The following ABCC5 variants were observed in gnomAD, a reference collection of about 807,000 sequenced individuals.
The protein encoded by ABCC5 is ATP-binding cassette sub-family C member 5.
In ABCC5, 61 loss-of-function variants were observed where a neutral mutation model predicts 160.9. That is an observed-to-expected ratio of 0.38 (90% CI 0.31 to 0.47). The LOEUF is 0.47. ABCC5 is among the 20% of genes least tolerant of loss of function. The pLI, the probability that ABCC5 is intolerant of heterozygous loss-of-function variation, is 0.99. For missense variants in ABCC5, 1,308 were observed against 1,813.3 expected (o/e 0.72, Z 5.06); for synonymous variants, 666 against 700.6 (o/e 0.95, Z 0.78).
At chr3:183,979,635 C>T (rs1334064143) in intron 8 of ABCC5, among the ~76,000 whole-genome samples, 1 of 152,164 alleles carries the variant, frequency 6.6e-6, no homozygotes, top group Non-Finnish European at 1.5e-5. Flanking sequence ...GGCTGGAGTG[C>T]AGTGGCACAA....
rs1009949719 is a variant in ABCC5, at chr3:183,948,666, G to GT, written c.3227+1086dup. ...TCTCCCTTCCAGTGGCAACTAACAG[G>GT]TTTTTTTTTTAATCCTTTCAGAGAT... On this transcript the variant is annotated intron_variant, in intron 22 of 29. Transcript: ENST00000334444. Among the ~76,000 whole-genome samples the GT allele has an allele frequency of 6.0e-3, 893 of 147,958 alleles. 7 individuals are homozygous for GT. Among genetic ancestry groups the GT allele is most frequent in the Non-Finnish European group, 8.1e-3 (538 of 66,502 alleles).
At chr3:183,998,078 C>T (rs1295651517) in intron 2 of ABCC5, among the ~76,000 whole-genome samples, 1 of 152,070 alleles carries the variant, frequency 6.6e-6, no homozygotes, top group East Asian at 1.9e-4. Context: ...TATGAGTCTC[C>T]ACACCCAGCT....
Position 183,945,917 on chromosome 3 carries a change from G to A in ABCC5, c.3437C>T (p.Thr1146Met), listed in dbSNP as rs759305243. 3 of 1,613,966 alleles carry A rather than the reference G, an allele frequency of 1.9e-6. No individual in the cohort carries two copies. Among genetic ancestry groups the A allele is most frequent in the Admixed American group, 1.7e-5 (1 of 60,008 alleles). Reference sequence around the variant, plus strand: ...TTCTGTCTCAGATGCCAGTCTGACCGTAAACTGGAACAGCCCCGTTAACTG... The same window carrying A: ...TTCTGTCTCAGATGCCAGTCTGACCATAAACTGGAACAGCCCCGTTAACTG... ...AVQLTGLFQFTVRLASETEAR... is the reference protein window; with the variant it reads ...AVQLTGLFQFMVRLASETEAR... Residue 1146 changes from threonine (T) to methionine (M), a missense_variant, in exon 24 of 30, where the codon ACG becomes ATG. Around this residue, in one of 3 missense-constraint regions of ABCC5, gnomAD observed 1,142 missense variants for 1,527.1 expected, o/e 0.75. Coordinates refer to ENST00000334444, the MANE Select transcript of ABCC5 (RefSeq NM_005688.4).
At chr3:183,986,333 G>A (rs1249920105) in intron 5 of ABCC5, 1 of 152,184 alleles carries the variant, frequency 6.6e-6, no homozygotes, top group Admixed American at 6.5e-5. Flanking sequence ...TGAAACGGCA[G>A]AGAGAAGAAA....
intron 10 of ABCC5, among the ~76,000 whole-genome samples, chr3:183,973,936 T>C (rs996530700): frequency 3.3e-5 from 5 of 152,098 alleles, no homozygotes; most frequent in Non-Finnish European, 5.9e-5. Flanking sequence ...TACCTACTGG[T>C]TTTCACAGCT....
chr3:183,977,460 G>A, intron 10 of ABCC5, 57 bp downstream of exon 10: 1 of 1,329,342 alleles, frequency 7.5e-7, no homozygotes, highest in Non-Finnish European at 1.1e-6. Flanking sequence ...AACAGAGCCA[G>A]CAGTTAGTTG....
rs773062526 is a variant in ABCC5 at position 183,949,927 on chromosome 3, G to C, written c.3098+45C>G. 7 of 1,613,912 alleles carry C rather than the reference G, an allele frequency of 4.3e-6. No homozygotes were observed. The highest frequency in any genetic ancestry group is 5.9e-6 in the Non-Finnish European group (7 of 1,179,956). Reference sequence around the variant, plus strand: ...GTGTCACAGCACCTACCCAGCAACTGAGGCTTCTCCGTGGCCCCAGCAGAC... The same window carrying C: ...GTGTCACAGCACCTACCCAGCAACTCAGGCTTCTCCGTGGCCCCAGCAGAC... On this transcript the variant is annotated intron_variant, in intron 21 of 29. Coordinates refer to ENST00000334444, the MANE Select transcript of ABCC5 (RefSeq NM_005688.4). The surrounding 1 kb of genome is among the most constrained non-coding windows in gnomAD (Gnocchi z 4.2).
chr3:183,948,405 C>T (rs1252706764), intron 22 of ABCC5, among the ~76,000 whole-genome samples: 1 of 151,872 alleles, frequency 6.6e-6, no homozygotes, highest in East Asian at 1.9e-4. Context: ...TACACATGTA[C>T]GTATTTAGTA....
chr3:183,946,046 G>A (rs1714810142), intron 23 of ABCC5, 107 bp from the exon 24 acceptor site: 9 of 945,566 alleles, frequency 9.5e-6, no homozygotes, highest in Admixed American at 1.7e-5. Flanking sequence ...CTGAGCACAT[G>A]CAGCAGCTGG....
At chr3:184,012,014 AACACACAC>A (rs3031485) in intron 2 of ABCC5, among the ~76,000 whole-genome samples, 28,085 of 145,424 alleles carry the variant, frequency 0.19, 3,290 homozygotes, top group East Asian at 0.34. Flanking sequence ...CATAGAACAC[AACACACAC>A]ACACACACAC....
At chr3:183,985,215 A>T in intron 5 of ABCC5, 1 of 1,203,526 alleles carries the variant, frequency 8.3e-7, no homozygotes, top group Non-Finnish European at 1.2e-6. Context: ...TGTATCATTT[A>T]AATCTAAACA....
Position 183,927,316 on chromosome 3 carries a change from C to A in ABCC5, c.4047+14G>T. 6.2e-7 allele frequency: 1 copy of A among 1,611,728 alleles called. No individual in the cohort carries two copies. Among genetic ancestry groups the A allele is most frequent in the Non-Finnish European group, 8.5e-7 (1 of 1,178,726 alleles). On this transcript the variant is annotated intron_variant, in intron 28 of 29. Transcript: ENST00000334444. ...TTCCCATTCTCTGCTGCTGCCAACC[C>A]CAAACTGCCTTACCTTACAGTGGCG...
At chr3:183,941,350 C>T (rs556807367) in intron 25 of ABCC5, among the ~76,000 whole-genome samples, 1 of 152,228 alleles carries the variant, frequency 6.6e-6, no homozygotes, top group East Asian at 1.9e-4. Flanking sequence ...AGTAAAAAGG[C>T]TTGGGGAGAG....
chr3:184,005,695 G>A (rs1438355056), intron 2 of ABCC5, among the ~76,000 whole-genome samples: 5 of 151,932 alleles, frequency 3.3e-5, no homozygotes, highest in Non-Finnish European at 7.4e-5. Flanking sequence ...ACGAGTTAAT[G>A]GGTGCAGCCC....
chr3:183,962,333 C>CA (rs1325941744), intron 15 of ABCC5, among the ~76,000 whole-genome samples: 1 of 151,766 alleles, frequency 6.6e-6, no homozygotes, highest in East Asian at 1.9e-4. Context: ...ATCATAAAGT[C>CA]AAAAAACTGT....
chr3:183,950,367 T>C (rs1339552959), intron 20 of ABCC5, among the ~76,000 whole-genome samples: 1 of 152,132 alleles, frequency 6.6e-6, no homozygotes, highest in Non-Finnish European at 1.5e-5. Context: ...CTTTAAACAT[T>C]TTCCCCCTTT....
intron 7 of ABCC5, 122 bp from the exon 8 acceptor site, chr3:183,981,996 T>G: frequency 1.0e-6 from 1 of 1,002,038 alleles, no homozygotes; most frequent in Non-Finnish European, 1.4e-6. Flanking sequence ...ATGGGCCAAA[T>G]GTTATGTAAT....
Position 183,957,554 on chromosome 3 carries a change from G to A in ABCC5, c.2482+2179C>T, listed in dbSNP as rs866110261. ...TGTGTACATCACATCAGTTACATGC[G>A]GATCCGTGTGTACATCACATCGGTT... On this transcript the variant is annotated intron_variant, in intron 17 of 29. Coordinates refer to ENST00000334444, the MANE Select transcript of ABCC5 (RefSeq NM_005688.4). Among the ~76,000 whole-genome samples the A allele has an allele frequency of 2.7e-3, 232 of 87,492 alleles. 2 individuals are homozygous for A. The highest frequency in any genetic ancestry group is 7.2e-3 in the Middle Eastern group (1 of 138). The allele number at this position is 87,492 out of a possible 152,430, so 57.4% of individuals were successfully genotyped here. A position where few individuals can be genotyped will look rare whatever the true frequency, so the allele number is the denominator to read the frequency against.
chr3:183,994,041 G>A (rs1331471722), intron 2 of ABCC5, among the ~76,000 whole-genome samples: 1 of 146,346 alleles, frequency 6.8e-6, no homozygotes, highest in East Asian at 2.0e-4. Context: ...TTGGCTCACT[G>A]CAATCTCCGC....
Sources: allele counts gnomAD v4.1 joint callset (sites outside exome capture counted in the v4.1 genomes callset), GRCh38; gene constraint gnomAD v4.1.1; regional missense constraint gnomAD v4.1.1; non-coding constraint Gnocchi (gnomAD v3.1); transcripts MANE v1.5; gene names NCBI Gene and HGNC (gene_info 2026-07-23, HGNC 2026-07-21).